Variants in ADGRL1 observed in about 807,000 individuals in gnomAD.
ADGRL1 encodes CIRL-1.
A neutral mutation model predicts 148.9 loss-of-function variants in ADGRL1; 31 were observed. The ratio of observed to expected loss-of-function variants is 0.21; its 90% confidence interval spans 0.16 to 0.28. The LOEUF (loss-of-function observed/expected upper bound fraction) is 0.28. Among genes scored for constraint, ADGRL1 ranks in the 10% least tolerant of loss-of-function variants. The pLI, the probability that ADGRL1 is intolerant of heterozygous loss-of-function variation, is 1.00. For missense variants in ADGRL1, 1,521 were observed against 2,058.8 expected, an observed-to-expected ratio of 0.74 and a Z score of 5.05; for synonymous variants, 937 against 900.3, an observed-to-expected ratio of 1.04 and a Z score of -0.73.
chr19:14,187,320 C>CA (rs1971634876), intron 1 of ADGRL1, among the ~76,000 whole-genome samples: 1 of 152,214 alleles, frequency 6.6e-6, no homozygotes, highest in Admixed American at 6.5e-5. Flanking sequence ...GCCTGGGCAA[C>CA]AGAGCCAGAC....
rs71170599 is a variant in ADGRL1 at position 14,163,465 on chromosome 19, G to GGAGAGAGAGAGAGAGAGAGAGAGAGA, written c.395-85_395-60dup. 33 of 702,328 alleles carry GGAGAGAGAGAGAGAGAGAGAGAGAGA rather than the reference G, an allele frequency of 4.7e-5. No homozygotes were observed. The African/African-American group carries it at 6.3e-4, about 13-fold the overall frequency. 43.5% of individuals were successfully genotyped at this position (702,328 alleles called of 1,614,324 possible). A position where few individuals can be genotyped will look rare whatever the true frequency, so the allele number is the denominator to read the frequency against. The stretch of plus-strand genomic sequence containing the variant: ...AGAGAAGGGGCAGAGGCGAGAGGGA[G>GGAGAGAGAGAGAGAGAGAGAGAGAGA]GAGAGAGAGAGAGAGAGAGAGAGAG... On this transcript the variant is annotated intron_variant, in intron 4 of 22. Coordinates refer to ENST00000361434, the MANE Select transcript of ADGRL1 (RefSeq NM_014921.5).
At chr19:14,153,159 T>G (rs1227108900) in intron 18 of ADGRL1, among the ~76,000 whole-genome samples, 1 of 152,124 alleles carries the variant, frequency 6.6e-6, no homozygotes, top group Non-Finnish European at 1.5e-5. Context: ...CCTCTGACAG[T>G]TTTTCATTCA....
intron 2 of ADGRL1, among the ~76,000 whole-genome samples, chr19:14,178,914 T>C (rs1400374141): frequency 2.0e-5 from 3 of 152,022 alleles, no homozygotes; most frequent in African/African-American, 7.2e-5. Context: ...CCAGGCGCGG[T>C]GGCTCACACC....
At position 14,152,304 on chromosome 19, in the gene ADGRL1, C is replaced by T. The variant is rs760039896; in HGVS notation, c.3649+5G>A. The T allele has an allele frequency of 4.1e-5, 66 of 1,601,392 alleles. No homozygotes were observed. The highest frequency in any genetic ancestry group is 5.5e-5 in the Non-Finnish European group (65 of 1,172,378). Reference sequence around the variant, plus strand: ...CAACCTGGGATGTTTCCCCCGTGCTCTCACCTGGGGAGTTGAAGACAGGGG... The same window carrying T: ...CAACCTGGGATGTTTCCCCCGTGCTTTCACCTGGGGAGTTGAAGACAGGGG... On this transcript the variant is annotated splice_donor_5th_base_variant and intron_variant, in intron 21 of 22. Transcript: ENST00000361434. The surrounding 1 kb of genome is among the most constrained non-coding windows in gnomAD (Gnocchi z 6.1).
Position 14,156,711 on chromosome 19 carries a change from C to T in ADGRL1, c.2980G>A (p.Val994Met). 6.2e-7 allele frequency: 1 copy of T among 1,610,580 alleles called. No individual in the cohort carries two copies. Among genetic ancestry groups the T allele is most frequent in the Non-Finnish European group, 8.5e-7 (1 of 1,178,510 alleles). Residue 994 changes from valine (V) to methionine (M), a missense_variant, in exon 16 of 23, where the codon GTG (valine) becomes ATG (methionine). Around this residue, in one of 8 missense-constraint regions of ADGRL1, gnomAD observed 185 missense variants for 251.7 expected, o/e 0.74. Transcript: ENST00000361434. The stretch of plus-strand genomic sequence containing the variant: ...AAACTCCAGATGAAGTAATTGTCCA[C>T]TCGGAGCCAGCAGCTGTAAAGGAAA... ...YGTEKACWLR[V>M]DNYFIWSFIG...
At chr19:14,168,288 G>A (rs553012753) in intron 4 of ADGRL1, among the ~76,000 whole-genome samples, 24 of 152,294 alleles carry the variant, frequency 1.6e-4, no homozygotes, top group African/African-American at 5.5e-4. Context: ...GATGCTCAGT[G>A]AACATTTTGG....
At chr19:14,205,061 C>T (rs1324009144) in intron 1 of ADGRL1, among the ~76,000 whole-genome samples, 3 of 151,908 alleles carry the variant, frequency 2.0e-5, no homozygotes, top group African/African-American at 7.3e-5. Flanking sequence ...GTGTGTGTAG[C>T]CAGCGGCTGT....
chr19:14,168,220 C>T (rs1421124013), intron 4 of ADGRL1, among the ~76,000 whole-genome samples: 1 of 151,980 alleles, frequency 6.6e-6, no homozygotes, highest in South Asian at 2.1e-4. Context: ...CAGGGAGCTC[C>T]GCAGGGGCAG....
chr19:14,190,947 G>T (rs537663319), intron 1 of ADGRL1: 9 of 379,012 alleles, frequency 2.4e-5, no homozygotes, highest in Non-Finnish European at 4.8e-5. Context: ...AATTAGCCAG[G>T]TGTGATGGCG....
chr19:14,181,401 C>T (rs972976931), intron 2 of ADGRL1, among the ~76,000 whole-genome samples: 2 of 152,148 alleles, frequency 1.3e-5, no homozygotes, highest in Non-Finnish European at 2.9e-5. Context: ...TATGTGCCAA[C>T]CAGGTGATGG....
chr19:14,190,591 A>T lies in ADGRL1; in HGVS notation c.-95-6894T>A, dbSNP rs1971865478. Among the ~76,000 whole-genome samples the T allele has an allele frequency of 2.0e-5, 3 of 152,278 alleles. No homozygotes were observed. In the South Asian group the frequency reaches 6.2e-4, roughly 32 times the overall value. On this transcript the variant is annotated intron_variant, in intron 1 of 22. Coordinates refer to ENST00000361434, the MANE Select transcript of ADGRL1 (RefSeq NM_014921.5). Reference sequence around the variant, plus strand: ...TAAAACGTGTTTATCTGAAAGCTGAAAGCTTGTACCCTTTGACCTACATCC... The same window carrying T: ...TAAAACGTGTTTATCTGAAAGCTGATAGCTTGTACCCTTTGACCTACATCC...
intron 1 of ADGRL1, among the ~76,000 whole-genome samples, chr19:14,187,107 G>A (rs1971618834): frequency 6.6e-6 from 1 of 152,226 alleles, no homozygotes; most frequent in African/African-American, 2.4e-5. Flanking sequence ...GGAAGCCGAG[G>A]CGGGTGGATC....
chr19:14,195,320 T>A (rs1415680768), intron 1 of ADGRL1, among the ~76,000 whole-genome samples: 1 of 152,146 alleles, frequency 6.6e-6, no homozygotes, highest in African/African-American at 2.4e-5. Flanking sequence ...CCAGACTCTG[T>A]CCTCGGGTGC....
rs554109894 is a variant in ADGRL1 at position 14,160,966 on chromosome 19, C to G, written c.1511-270G>C. Among the ~76,000 whole-genome samples, 2 of 152,156 alleles carry G rather than the reference C, an allele frequency of 1.3e-5. No individual in the cohort carries two copies. Among genetic ancestry groups the G allele is most frequent in the Non-Finnish European group, 1.5e-5 (1 of 68,024 alleles). ...GCCCATCTTGAACGCCCCCTCTCCA[C>G]GAAGCACCTGCCAACCCTCCCCTCA... On this transcript the variant is annotated intron_variant, in intron 6 of 22. Coordinates refer to ENST00000361434, the MANE Select transcript of ADGRL1 (RefSeq NM_014921.5). The surrounding 1 kb of genome is among the most constrained non-coding windows in gnomAD (Gnocchi z 5.9).
At position 14,163,195 on chromosome 19, in the gene ADGRL1, C is replaced by G. The variant is rs1274220524; in HGVS notation, c.606G>C (p.Leu202=). The change falls in exon 5 of 23, where the codon CTG becomes CTC. Residue 202 remains leucine, a synonymous_variant. Coordinates refer to ENST00000361434, the MANE Select transcript of ADGRL1 (RefSeq NM_014921.5). ...AGCCTGTGCCATCCACGCGGTTGGG[C>G]AGGCGGTAGGTGGTGGTGTGGCGGG... ...VAARHTTTYR[L]PNRVDGTGFV... 6.2e-7 allele frequency: 1 copy of G among 1,614,016 alleles called. No homozygotes were observed. Among genetic ancestry groups the G allele is most frequent in the South Asian group, 1.1e-5 (1 of 91,086 alleles).
chr19:14,162,957 T>C lies in ADGRL1; in HGVS notation c.844A>G (p.Asn282Asp), dbSNP rs1326862826. The C allele has an allele frequency of 1.2e-6, 2 of 1,613,762 alleles. No homozygotes were observed. Among genetic ancestry groups the C allele is most frequent in the South Asian group, 1.1e-5 (1 of 91,032 alleles). ...LWVIYATEGN[N>D]GRLVVSQLNP... Reference sequence around the variant, plus strand: ...AGCTGGCTCACCACCAGCCGCCCGTTGTTGCCCTCAGTGGCGTAGATGACC... The same window carrying C: ...AGCTGGCTCACCACCAGCCGCCCGTCGTTGCCCTCAGTGGCGTAGATGACC... Residue 282 changes from asparagine to aspartate, a missense_variant, in exon 5 of 23, where the codon AAC becomes GAC. By Grantham distance (23) the Asn-to-Asp change is conservative. This residue lies in a region of ADGRL1 where 334 missense variants were observed against 512.5 expected (regional missense o/e 0.65). Coordinates refer to ENST00000361434, the MANE Select transcript of ADGRL1 (RefSeq NM_014921.5). This position sits in a 1 kb window ranked among gnomAD's most constrained non-coding sequence, Gnocchi z 5.4.
intron 18 of ADGRL1, among the ~76,000 whole-genome samples, chr19:14,153,447 G>A (rs576114997): frequency 4.5e-4 from 55 of 121,300 alleles, no homozygotes; most frequent in African/African-American, 1.8e-3. Flanking sequence ...ATGGAATCTT[G>A]CACTGTCACT....
rs1971369114 is a variant in ADGRL1 at position 14,183,549 on chromosome 19, G to A, written c.54C>T (p.Val18=). Residue 18 remains valine (V), a synonymous_variant, in exon 2 of 23, where the codon GTC becomes GTT. Transcript: ENST00000361434. ...AGCACCTACCTTGGGTGGCCGAGGT[G>A]ACCAGGACGGCGGTGACACACAGAT... ...LWNLCVTAVL[V]TSATQGLSRA... The A allele has an allele frequency of 6.3e-6, 10 of 1,580,924 alleles. No individual in the cohort carries two copies. Among genetic ancestry groups the A allele is most frequent in the Non-Finnish European group, 7.7e-6 (9 of 1,163,214 alleles).
In ADGRL1 at chr19:14,157,838, A is replaced by G. The variant is rs756125621; in HGVS notation, c.2535+44T>C. On this transcript the variant is annotated intron_variant, in intron 13 of 22. Transcript: ENST00000361434. The surrounding 1 kb of genome is among the most constrained non-coding windows in gnomAD (Gnocchi z 7.5). ...CTAGGATGCCATGCAAAGCCAGGCC[A>G]GCAATCGGGCCTGCCTGGAGGAGCA... The G allele has an allele frequency of 5.6e-6, 9 of 1,603,248 alleles. No homozygotes were observed. The South Asian group carries it at 8.9e-5, about 16-fold the overall frequency.
Sources: allele counts gnomAD v4.1 joint callset (sites outside exome capture counted in the v4.1 genomes callset), GRCh38; gene constraint gnomAD v4.1.1; regional missense constraint gnomAD v4.1.1; non-coding constraint Gnocchi (gnomAD v3.1); transcripts MANE v1.5; gene names NCBI Gene and HGNC (gene_info 2026-07-23, HGNC 2026-07-21).